SLC1A4: variants seen among roughly 807,000 people sequenced by gnomAD.
SLC1A4 encodes the protein solute carrier family 1 member 4.
Under a neutral mutation model 37.7 loss-of-function variants are expected in SLC1A4, and 19 were observed. That is an observed-to-expected ratio of 0.50 (90% confidence interval 0.35 to 0.74). The LOEUF (loss-of-function observed/expected upper bound fraction) is 0.74, where lower values mean the gene tolerates loss of function less well. SLC1A4 is among the 30% of genes least tolerant of loss of function. The pLI is 0.01. For missense variants in SLC1A4, 570 were observed against 712.9 expected (o/e 0.80, Z 2.28); for synonymous variants, 299 against 309.8 (o/e 0.97, Z 0.37).
intron 4 of SLC1A4, 144 bp from the exon 5 acceptor site, chr2:65,016,296 T>G: frequency 1.5e-6 from 1 of 684,084 alleles, no homozygotes; most frequent in Non-Finnish European, 2.6e-6. Flanking sequence ...GGTATAACCC[T>G]GACTGTTTCG....
At position 65,018,029 on chromosome 2, in the gene SLC1A4, G is replaced by C. The variant is rs752998001; in HGVS notation, c.1035-42G>C. ...GACAAGACACATGTTAGCCTGCCTC[G>C]GACTGTTGTCATGTCTGGCGGTTTG... is the stretch of plus-strand genomic sequence containing the variant. On this transcript the variant is annotated intron_variant, in intron 5 of 7. Coordinates refer to ENST00000234256, the MANE Select transcript of SLC1A4 (RefSeq NM_003038.5). The surrounding 1 kb of genome is among the most constrained non-coding windows in gnomAD (Gnocchi z 4.3). 14 of 1,573,500 alleles carry C rather than the reference G, an allele frequency of 8.9e-6. No homozygotes were observed. Among genetic ancestry groups the C allele is most frequent in the Non-Finnish European group, 1.0e-5 (12 of 1,146,820 alleles).
chr2:64,997,450 A>C (rs751345340), intron 1 of SLC1A4, among the ~76,000 whole-genome samples: 2 of 152,146 alleles, frequency 1.3e-5, no homozygotes, highest in African/African-American at 4.8e-5. Flanking sequence ...TCCATCACCT[A>C]TGACTCTTCT....
intron 5 of SLC1A4, among the ~76,000 whole-genome samples, chr2:65,016,979 C>A (rs1674167998): frequency 2.6e-5 from 4 of 152,162 alleles, no homozygotes; most frequent in Admixed American, 2.6e-4. Context: ...AGCCCCAAAG[C>A]TTTTCTGTAT....
chr2:65,000,060 G>A (rs369671474), intron 1 of SLC1A4: 1 of 152,298 alleles, frequency 6.6e-6, no homozygotes. Flanking sequence ...GGAGATCCTG[G>A]TGAGCAACCC....
chr2:64,989,845 A>G lies in SLC1A4; in HGVS notation c.202A>G (p.Ser68Gly). Reference protein sequence around the residue: ...LGAALRGLSLSRTQVTYLAFP... With the variant: ...LGAALRGLSLGRTQVTYLAFP... ...CGCGGCGTTGCGCGGGCTCAGCCTG[A>G]GCCGCACGCAGGTCACCTACCTGGC... Residue 68 changes from serine (S) to glycine (G), a missense_variant, in exon 1 of 8, where the codon AGC becomes GGC. Coordinates refer to ENST00000234256, the MANE Select transcript of SLC1A4 (RefSeq NM_003038.5). The G allele has an allele frequency of 6.5e-7, 1 of 1,538,104 alleles. No individual in the cohort carries two copies.
chr2:65,003,316 C>CA (rs1455500999), intron 2 of SLC1A4, among the ~76,000 whole-genome samples: 2 of 152,214 alleles, frequency 1.3e-5, no homozygotes, highest in African/African-American at 4.8e-5. Flanking sequence ...CTGCCACAGG[C>CA]AGACACCTAT....
intron 3 of SLC1A4, among the ~76,000 whole-genome samples, chr2:65,006,932 C>A (rs1330559284): frequency 1.3e-5 from 2 of 152,106 alleles, no homozygotes; most frequent in Non-Finnish European, 2.9e-5. Context: ...AGAATTAAAT[C>A]AATCAAGGAC....
chr2:64,989,422 G>C lies in SLC1A4; in HGVS notation c.-222G>C, dbSNP rs1672948178. The C allele has an allele frequency of 2.5e-6, 1 of 395,636 alleles. No individual in the cohort carries two copies. Among genetic ancestry groups the C allele is most frequent in the African/African-American group, 2.1e-5 (1 of 47,890 alleles). 24.5% of individuals were successfully genotyped at this position (395,636 alleles called of 1,614,324 possible). A position where few individuals can be genotyped will look rare whatever the true frequency, so the allele number is the denominator to read the frequency against. ...TCATCTCCAGCCGGCGGCTGCTCCA[G>C]GGAGGCTGGGCGCGATCCTCTCCGC... On this transcript the variant is annotated 5_prime_UTR_variant, in exon 1 of 8. Transcript: ENST00000234256.
intron 4 of SLC1A4, among the ~76,000 whole-genome samples, chr2:65,014,949 A>G (rs1023210547): frequency 2.0e-5 from 3 of 152,274 alleles, no homozygotes; most frequent in African/African-American, 7.2e-5. Flanking sequence ...TCATTGGATG[A>G]ATGGATAAAC....
chr2:64,997,976 G>A (rs945642695), intron 1 of SLC1A4, among the ~76,000 whole-genome samples: 5 of 152,120 alleles, frequency 3.3e-5, no homozygotes, highest in African/African-American at 1.2e-4. Flanking sequence ...GCTCACGCCT[G>A]TAATCCTAGC....
At chr2:65,002,421 C>G (rs1310464449) in intron 2 of SLC1A4, among the ~76,000 whole-genome samples, 1 of 151,416 alleles carries the variant, frequency 6.6e-6, no homozygotes, top group Non-Finnish European at 1.5e-5. Flanking sequence ...GGTAGCTACC[C>G]TTCTGCATAA....
At chr2:64,995,098 C>T (rs1243228514) in intron 1 of SLC1A4, among the ~76,000 whole-genome samples, 1 of 152,162 alleles carries the variant, frequency 6.6e-6, no homozygotes, top group Non-Finnish European at 1.5e-5. Flanking sequence ...AAAAGGTTCT[C>T]ACTCTTGACC....
intron 1 of SLC1A4, among the ~76,000 whole-genome samples, chr2:64,998,646 G>T (rs1673357269): frequency 6.6e-6 from 1 of 152,166 alleles, no homozygotes. Flanking sequence ...GCTGTTAGGT[G>T]TAGAAGTTCT....
At chr2:65,003,853 C>T (rs1470546511) in intron 2 of SLC1A4, 100 bp from the exon 3 acceptor site, 7 of 838,364 alleles carry the variant, frequency 8.3e-6, no homozygotes, top group Non-Finnish European at 1.4e-5. Context: ...TCAGTGTGAA[C>T]AGTGACAGAA....
chr2:64,995,565 G>A (rs753153774), intron 1 of SLC1A4, among the ~76,000 whole-genome samples: 6 of 152,170 alleles, frequency 3.9e-5, no homozygotes, highest in Non-Finnish European at 7.4e-5. Context: ...TCATCAGAGT[G>A]CAAGTCCACC....
chr2:64,996,772 C>G (rs559386035), intron 1 of SLC1A4, among the ~76,000 whole-genome samples: 16 of 152,294 alleles, frequency 1.1e-4, no homozygotes, highest in Non-Finnish European at 2.2e-4. Context: ...GCATTGGTGT[C>G]TCTATGTGCT....
chr2:64,994,856 T>C (rs144969739), intron 1 of SLC1A4: 24 of 152,330 alleles, frequency 1.6e-4, no homozygotes, highest in African/African-American at 4.6e-4. Context: ...GCGTTCCATA[T>C]TTTTTAAATT....
At chr2:65,020,838 G>A in intron 7 of SLC1A4, 74 bp from the exon 8 acceptor site, 2 of 1,241,216 alleles carry the variant, frequency 1.6e-6, no homozygotes, top group Admixed American at 3.4e-5. Context: ...CTTTCCTTCG[G>A]CATCCAGGCT....
At chr2:64,998,900 A>G (rs1011429469) in intron 1 of SLC1A4, among the ~76,000 whole-genome samples, 1 of 152,016 alleles carries the variant, frequency 6.6e-6, no homozygotes, top group Non-Finnish European at 1.5e-5. Context: ...TTCTAACCCA[A>G]CTCTTTTCTG....
Sources: gnomAD v4.1 joint callset for allele counts (sites outside exome capture counted in the v4.1 genomes callset) on GRCh38, gnomAD v4.1.1 for gene constraint, Gnocchi (gnomAD v3.1) non-coding constraint, MANE v1.5 for transcripts, NCBI Gene and HGNC (gene_info 2026-07-23, HGNC 2026-07-21) for gene names.